ZP1: variants seen among roughly 807,000 people sequenced by gnomAD.
ZP1 encodes zona pellucida glycoprotein 1.
ZP1 carries 58 observed loss-of-function variants against 67.4 expected under a neutral mutation model. The observed-to-expected ratio is 0.86, with a 90% confidence interval of 0.70 to 1.07. ZP1 has a LOEUF of 1.07. Ranked by LOEUF, ZP1 falls within the 50% of genes least tolerant of loss-of-function variation. The probability of loss-of-function intolerance (pLI) is 0.00; values close to 1 mark genes in which losing one functional copy is unlikely to be tolerated. For missense variants in ZP1, 759 were observed against 807.3 expected, an observed-to-expected ratio of 0.94 and a Z score of 0.72; for synonymous variants, 333 against 332.7, an observed-to-expected ratio of 1.00 and a Z score of -0.01.
chr11:60,869,406 G>C, intron 2 of ZP1, 131 bp from the exon 3 acceptor site: 1 of 1,495,382 alleles, frequency 6.7e-7, no homozygotes, highest in Non-Finnish European at 8.9e-7. Context: ...AGCTCTGGAA[G>C]GTACTTTCTG....
rs749202569 is a variant in ZP1 at position 60,875,141 on chromosome 11, C to A, written c.1667C>A (p.Ser556Tyr). 4 of 1,613,920 alleles carry A rather than the reference C, an allele frequency of 2.5e-6. No individual in the cohort carries two copies. Among genetic ancestry groups the A allele is most frequent in the Non-Finnish European group, 3.4e-6 (4 of 1,180,026 alleles). Reference sequence around the variant, plus strand: ...TTCCCCTGGGCAGGACAGCGACGATCCTCAGGTCACCGTAATGACACTGCC... The same window carrying A: ...TTCCCCTGGGCAGGACAGCGACGATACTCAGGTCACCGTAATGACACTGCC... ...CSTGTTRQRR[S>Y]SGHRNDTARP... is the part of the protein sequence containing the mutation. The change falls in exon 11 of 12, where the codon TCC becomes TAC. Residue 556 changes from serine (S) to tyrosine (Y), a missense_variant. Ser to Tyr is a moderately radical substitution (Grantham distance 144, BLOSUM62 -2). Coordinates refer to ENST00000278853, the MANE Select transcript of ZP1 (RefSeq NM_207341.4).
chr11:60,873,263 T>C lies in ZP1; in HGVS notation c.1214T>C (p.Leu405Pro). 6.3e-7 allele frequency: 1 copy of C among 1,590,192 alleles called. No individual in the cohort carries two copies. Among genetic ancestry groups the C allele is most frequent in the South Asian group, 1.1e-5 (1 of 87,138 alleles). Residue 405 changes from leucine (L) to proline (P), a missense_variant, in exon 7 of 12, where the codon CTG becomes CCG. Physicochemically the swap from Leu to Pro is moderately conservative, Grantham distance 98. Coordinates refer to ENST00000278853, the MANE Select transcript of ZP1 (RefSeq NM_207341.4). ...GCTCCTATGACCCAGCCCGGCCCCC[T>C]GCGGCTTGAGCTGCGGATTGCCAAA... ...SPAPMTQPGP[L>P]RLELRIAKDE... is the part of the protein sequence containing the mutation.
chr11:60,869,516 A>G (rs1855526011), intron 2 of ZP1, 21 bp from the exon 3 acceptor site: 1 of 1,584,544 alleles, frequency 6.3e-7, no homozygotes. Flanking sequence ...TTGCTGCTCT[A>G]TGATGGCCTC....
intron 9 of ZP1, among the ~76,000 whole-genome samples, 174 bp from the exon 10 acceptor site, chr11:60,874,759 C>T (rs1226080738): frequency 1.3e-5 from 2 of 152,260 alleles, no homozygotes; most frequent in Non-Finnish European, 1.5e-5. Flanking sequence ...TTCAGCTCTG[C>T]ACTCCCTCAG....
chr11:60,870,883 G>A (rs778173346), intron 4 of ZP1, 74 bp from the exon 5 acceptor site: 36 of 1,505,016 alleles, frequency 2.4e-5, no homozygotes, highest in Non-Finnish European at 3.1e-5. Flanking sequence ...TTAAAGCCTG[G>A]CTGTCACCCA....
rs373846692 is a variant in ZP1, at chr11:60,871,465, C to A, written c.1112+151C>A. On this transcript the variant is annotated intron_variant, in intron 6 of 11. Coordinates refer to ENST00000278853, the MANE Select transcript of ZP1 (RefSeq NM_207341.4). ...ATCTTAGGCAAGGGGCCCACCTCTTCCCAGCCTCCCCTGCTGGGCAGGGGA... is the reference window on the plus strand; with the variant it reads ...ATCTTAGGCAAGGGGCCCACCTCTTACCAGCCTCCCCTGCTGGGCAGGGGA... 1.1e-3 allele frequency: 856 copies of A among 781,958 alleles called. 6 individuals are homozygous for A. The South Asian group carries it at 0.012, about 11-fold the overall frequency. 48.4% of individuals were successfully genotyped at this position (781,958 alleles called of 1,614,324 possible).
intron 4 of ZP1, 133 bp from the exon 5 acceptor site, chr11:60,870,824 C>T (rs1351444468): frequency 1.9e-6 from 2 of 1,037,144 alleles, no homozygotes; most frequent in African/African-American, 3.2e-5. Flanking sequence ...TTGCTGGGGC[C>T]AACACCAGCC....
In ZP1 at chr11:60,871,434, T is replaced by C. The variant is rs573773151; in HGVS notation, c.1112+120T>C. ...AACCCAGGCTCTGCTGTTACCCGGCTATGTGATCTTAGGCAAGGGGCCCAC... is the reference window on the plus strand; with the variant it reads ...AACCCAGGCTCTGCTGTTACCCGGCCATGTGATCTTAGGCAAGGGGCCCAC... On this transcript the variant is annotated intron_variant, in intron 6 of 11. Coordinates refer to ENST00000278853, the MANE Select transcript of ZP1 (RefSeq NM_207341.4). 8.2e-5 allele frequency: 92 copies of C among 1,118,314 alleles called. No homozygotes were observed. In the South Asian group the frequency reaches 1.3e-3, roughly 15 times the overall value. 69.3% of individuals were successfully genotyped at this position (1,118,314 alleles called of 1,614,324 possible).
chr11:60,870,588 C>T, intron 4 of ZP1, 113 bp downstream of exon 4: 2 of 1,413,788 alleles, frequency 1.4e-6, no homozygotes, highest in South Asian at 1.5e-5. Flanking sequence ...GAGAGCCCAA[C>T]TCCCAGAGCA....
intron 6 of ZP1, among the ~76,000 whole-genome samples, chr11:60,872,250 G>A (rs375116648): frequency 4.6e-5 from 7 of 152,136 alleles, no homozygotes; most frequent in Non-Finnish European, 8.8e-5. Flanking sequence ...GCCAAGTGGT[G>A]GAGGACAAGT....
rs763920822 is a variant in ZP1 at position 60,869,753 on chromosome 11, T to C, written c.535T>C (p.Phe179Leu). 36 of 1,614,106 alleles carry C rather than the reference T, an allele frequency of 2.2e-5. 2 individuals carry two copies. In the South Asian group the frequency reaches 3.2e-4, roughly 14 times the overall value. The change falls in exon 3 of 12, where the codon TTT (phenylalanine) becomes CTT (leucine). Residue 179 changes from phenylalanine to leucine, a missense_variant. Transcript: ENST00000278853. ...GHTSQGSGHAFPSPLDPGHSS... is the reference protein window; with the variant it reads ...GHTSQGSGHALPSPLDPGHSS... Reference sequence around the variant, plus strand: ...TACCTCCCAAGGCTCTGGCCATGCCTTTCCCAGCCCACTGGACCCAGGGCA... The same window carrying C: ...TACCTCCCAAGGCTCTGGCCATGCCCTTCCCAGCCCACTGGACCCAGGGCA...
chr11:60,870,686 C>A, intron 4 of ZP1: 1 of 691,816 alleles, frequency 1.4e-6, no homozygotes, highest in Non-Finnish European at 2.4e-6. Flanking sequence ...ATAGATCTAC[C>A]TTACACACAT....
chr11:60,871,688 G>A (rs764692463), intron 6 of ZP1, among the ~76,000 whole-genome samples: 1 of 152,204 alleles, frequency 6.6e-6, no homozygotes, highest in South Asian at 2.1e-4. Flanking sequence ...CTGAGGCTAC[G>A]GCTGTTGCCC....
At chr11:60,869,081 A>C in intron 1 of ZP1, 64 bp from the exon 2 acceptor site, 3 of 1,599,306 alleles carry the variant, frequency 1.9e-6, no homozygotes, top group Non-Finnish European at 1.7e-6. Context: ...ACTCCTTCCG[A>C]GACCCCAGCA....
At chr11:60,875,455 G>A in intron 11 of ZP1, 59 bp from the exon 12 acceptor site, 2 of 1,600,290 alleles carry the variant, frequency 1.2e-6, no homozygotes, top group Admixed American at 1.7e-5. Context: ...AAAGTTCTGG[G>A]GTGGAGGGGA....
rs1031732716 is a variant in ZP1 at position 60,870,902 on chromosome 11, G to A, written c.827-55G>A. On this transcript the variant is annotated intron_variant, in intron 4 of 11. Coordinates refer to ENST00000278853, the MANE Select transcript of ZP1 (RefSeq NM_207341.4). Reference sequence around the variant, plus strand: ...AGCCTGGCTGTCACCCAGCCATCCCGTCTCTGTGCTGGATGGACACCAAAC... The same window carrying A: ...AGCCTGGCTGTCACCCAGCCATCCCATCTCTGTGCTGGATGGACACCAAAC... 8.4e-6 allele frequency: 13 copies of A among 1,551,732 alleles called. No homozygotes were observed. In the Admixed American group the frequency reaches 1.1e-4, roughly 13 times the overall value.
At position 60,873,626 on chromosome 11, in the gene ZP1, C is replaced by T. The variant is rs756940286; in HGVS notation, c.1431-8C>T. Reference sequence around the variant, plus strand: ...CCTGTAAACAGCCTCTCTGACTTCTCTTCTCAGATGCCCTTTCAAGGGCGA... The same window carrying T: ...CCTGTAAACAGCCTCTCTGACTTCTTTTCTCAGATGCCCTTTCAAGGGCGA... On this transcript the variant is annotated splice_region_variant and splice_polypyrimidine_tract_variant and intron_variant, in intron 8 of 11. Coordinates refer to ENST00000278853, the MANE Select transcript of ZP1 (RefSeq NM_207341.4). 11 of 1,614,164 alleles carry T rather than the reference C, an allele frequency of 6.8e-6. No homozygotes were observed. Among genetic ancestry groups the T allele is most frequent in the Non-Finnish European group, 9.3e-6 (11 of 1,180,032 alleles).
chr11:60,873,336 G>A (rs762365607), intron 7 of ZP1, 39 bp from the exon 8 acceptor site: 26 of 1,589,420 alleles, frequency 1.6e-5, no homozygotes, highest in Non-Finnish European at 2.2e-5. Flanking sequence ...CTTCCCTGAT[G>A]CACAGCCCGC....
chr11:60,868,644 G>A (rs1565102135), intron 1 of ZP1, among the ~76,000 whole-genome samples: 1 of 152,178 alleles, frequency 6.6e-6, no homozygotes, highest in East Asian at 1.9e-4. Context: ...GGACACCTAG[G>A]GGGTGTCTCC....
Sources: allele counts gnomAD v4.1 joint callset (sites outside exome capture counted in the v4.1 genomes callset), GRCh38; gene constraint gnomAD v4.1.1; transcripts MANE v1.5; gene names NCBI Gene and HGNC (gene_info 2026-07-23, HGNC 2026-07-21).